The following ZNF441 variants were observed in gnomAD, a reference collection of about 807,000 sequenced individuals.
ZNF441 encodes the protein zinc finger protein 441.
A neutral mutation model predicts 64.5 loss-of-function variants in ZNF441; 25 were observed. That is an observed-to-expected ratio of 0.39 (90% CI 0.28 to 0.54). ZNF441 has a LOEUF of 0.54. Ranked by LOEUF, ZNF441 falls within the 20% of genes least tolerant of loss-of-function variation. The pLI is 0.70. For missense variants in ZNF441, 715 were observed against 843.3 expected (o/e 0.85, Z 1.88); for synonymous variants, 262 against 268.0 (o/e 0.98, Z 0.22).
At chr19:11,770,552 G>C (rs1483945407) in intron 1 of ZNF441, among the ~76,000 whole-genome samples, 1 of 152,138 alleles carries the variant, frequency 6.6e-6, no homozygotes, top group East Asian at 1.9e-4. Context: ...ATGCTGGCCT[G>C]TTCCTTTTTC....
Position 11,781,312 on chromosome 19 carries a change from G to A in ZNF441, c.1488G>A (p.Met496Ile). 1 of 1,613,118 alleles carries A rather than the reference G, an allele frequency of 6.2e-7. No individual in the cohort carries two copies. ...HLKSFQRHMI[M>I]HTGDGPHKCK... is the part of the protein sequence containing the mutation. ...AAAGCTTTCAGAGACACATGATAATGCACACTGGAGATGGACCTCATAAAT... is the reference window on the plus strand; with the variant it reads ...AAAGCTTTCAGAGACACATGATAATACACACTGGAGATGGACCTCATAAAT... Residue 496 changes from methionine to isoleucine, a missense_variant, in exon 4 of 4, where the codon ATG becomes ATA. By Grantham distance (10) the Met-to-Ile change is conservative (BLOSUM62 1). Coordinates refer to ENST00000357901, the MANE Select transcript of ZNF441 (RefSeq NM_152355.3).
chr19:11,780,576 C>A lies in ZNF441; in HGVS notation c.752C>A (p.Pro251His). 1 of 1,614,136 alleles carries A rather than the reference C, an allele frequency of 6.2e-7. No individual in the cohort carries two copies. The highest frequency in any genetic ancestry group is 8.5e-7 in the Non-Finnish European group (1 of 1,180,030). ...RHERTHSGEK[P>H]YQCKQCGKAF... ...GAAAGAACACACAGTGGAGAGAAAC[C>A]CTATCAATGTAAACAATGTGGGAAA... Residue 251 changes from proline to histidine, a missense_variant, in exon 4 of 4, where the codon CCC (proline) becomes CAC (histidine). Pro to His is a moderately conservative substitution (Grantham distance 77). Around this residue, in one of 2 missense-constraint regions of ZNF441, gnomAD observed 399 missense variants for 413.9 expected, o/e 0.96. Coordinates refer to ENST00000357901, the MANE Select transcript of ZNF441 (RefSeq NM_152355.3).
Position 11,780,939 on chromosome 19 carries a change from C to A in ZNF441, c.1115C>A (p.Ala372Asp), listed in dbSNP as rs558868530. ...GPHKCKVCGKAFDSPSLCRRH... is the reference protein window; with the variant it reads ...GPHKCKVCGKDFDSPSLCRRH... ...CATAAATGCAAGGTATGTGGGAAAGCCTTTGATTCTCCCAGTTTATGTCGA... is the reference window on the plus strand; with the variant it reads ...CATAAATGCAAGGTATGTGGGAAAGACTTTGATTCTCCCAGTTTATGTCGA... Residue 372 changes from alanine to aspartate, a missense_variant, in exon 4 of 4, where the codon GCC (alanine) becomes GAC (aspartate). Physicochemically the swap from Ala to Asp is moderately radical, Grantham distance 126. This residue lies in a region of ZNF441 where 316 missense variants were observed against 429.3 expected (regional missense o/e 0.74). Coordinates refer to ENST00000357901, the MANE Select transcript of ZNF441 (RefSeq NM_152355.3). 6.2e-7 allele frequency: 1 copy of A among 1,612,320 alleles called. No homozygotes were observed. The highest frequency in any genetic ancestry group is 2.2e-5 in the East Asian group (1 of 44,646).
Position 11,778,361 on chromosome 19 carries a change from A to T in ZNF441, c.162A>T (p.Glu54Asp). 2 of 1,547,830 alleles carry T rather than the reference A, an allele frequency of 1.3e-6. No homozygotes were observed. The highest frequency in any genetic ancestry group is 1.7e-6 in the Non-Finnish European group (2 of 1,145,502). The stretch of plus-strand genomic sequence containing the variant: ...TATGGCAAAATCATGATATAGAAGA[A>T]GATCAGTACAAAGATCTCAGAAGAA... Reference protein sequence around the residue: ...GMIWQNHDIEEDQYKDLRRNL... With the variant: ...GMIWQNHDIEDDQYKDLRRNL... The change falls in exon 3 of 4, where the codon GAA becomes GAT. Residue 54 changes from glutamate (E) to aspartate (D), a missense_variant. Transcript: ENST00000357901.
At chr19:11,779,663 T>A (rs1352093678) in intron 3 of ZNF441, among the ~76,000 whole-genome samples, 1 of 151,174 alleles carries the variant, frequency 6.6e-6, no homozygotes, top group Non-Finnish European at 1.5e-5. Context: ...GAGAATGGTG[T>A]GAACCCGGGG....
At chr19:11,768,326 G>A (rs73922690) in intron 1 of ZNF441, among the ~76,000 whole-genome samples, 3,255 of 152,214 alleles carry the variant, frequency 0.021, 121 homozygotes, top group African/African-American at 0.075. Flanking sequence ...TTTGTAAAAG[G>A]TTTTGTGTTT....
At position 11,780,234 on chromosome 19, in the gene ZNF441, G is replaced by C. The variant is rs761419931; in HGVS notation, c.410G>C (p.Gly137Ala). The stretch of plus-strand genomic sequence containing the variant: ...AAACCATGTGAGTATCAAGAATATG[G>C]AGAGAAGCCATATACACATACACAA... ...EHKPCEYQEY[G>A]EKPYTHTQCG... is the part of the protein sequence containing the mutation. Residue 137 changes from glycine (G) to alanine (A), a missense_variant, in exon 4 of 4, where the codon GGA becomes GCA. Physicochemically the swap from Gly to Ala is moderately conservative, Grantham distance 60. Transcript: ENST00000357901. 1 of 1,614,174 alleles carries C rather than the reference G, an allele frequency of 6.2e-7. No homozygotes were observed. Among genetic ancestry groups the C allele is most frequent in the Non-Finnish European group, 8.5e-7 (1 of 1,180,032 alleles).
Position 11,777,599 on chromosome 19 carries a change from G to A in ZNF441, c.4-12G>A, listed in dbSNP as rs372852434. ...TTTAATATTCCTCCTCTGCACATGT[G>A]AAATATTTCAGGACTCAGTGGCATT... On this transcript the variant is annotated splice_polypyrimidine_tract_variant and intron_variant, in intron 1 of 3. Transcript: ENST00000357901. 12 of 1,608,810 alleles carry A rather than the reference G, an allele frequency of 7.5e-6. No individual in the cohort carries two copies. The highest frequency in any genetic ancestry group is 1.0e-5 in the Non-Finnish European group (12 of 1,177,734).
chr19:11,778,170 A>C, intron 2 of ZNF441, 160 bp from the exon 3 acceptor site: 1 of 581,304 alleles, frequency 1.7e-6, no homozygotes, highest in South Asian at 2.5e-5. Flanking sequence ...GAGACTGAAG[A>C]AATTCATATG....
rs1975412703 is a variant in ZNF441, at chr19:11,782,555, A to T, written c.*649A>T. ...AAGTCTACATGTTCAGTACAAATAC[A>T]ACTGTCATTCATTGTCCTAAGTACG... On this transcript the variant is annotated 3_prime_UTR_variant, in exon 4 of 4. Transcript: ENST00000357901. 1 of 152,226 alleles carries T rather than the reference A, an allele frequency of 6.6e-6. No homozygotes were observed. The highest frequency in any genetic ancestry group is 2.4e-5 in the African/African-American group (1 of 41,470). 9.4% of individuals were successfully genotyped at this position (152,226 alleles called of 1,614,324 possible). A position where few individuals can be genotyped will look rare whatever the true frequency, so the allele number is the denominator to read the frequency against.
At chr19:11,771,385 T>C (rs1002888372) in intron 1 of ZNF441, among the ~76,000 whole-genome samples, 10 of 152,074 alleles carry the variant, frequency 6.6e-5, no homozygotes, top group Non-Finnish European at 1.3e-4. Context: ...AATCAATAAA[T>C]AATAAAAGTC....
rs1046785041 is a variant in ZNF441, at chr19:11,767,835, G to A, written c.3+639G>A. ...CATCCCCAAGCACAATGGCGAAGCC[G>A]GCGGTCAGCATCTGCTGTGGCCTGA... On this transcript the variant is annotated intron_variant, in intron 1 of 3. Coordinates refer to ENST00000357901, the MANE Select transcript of ZNF441 (RefSeq NM_152355.3). This position sits in a 1 kb window ranked among gnomAD's most constrained non-coding sequence, Gnocchi z 5.1. 2.0e-5 allele frequency among the ~76,000 whole-genome samples: 3 copies of A among 152,206 alleles called. No homozygotes were observed. Among genetic ancestry groups the A allele is most frequent in the Non-Finnish European group, 4.4e-5 (3 of 68,038 alleles).
intron 3 of ZNF441, 29 bp from the exon 4 acceptor site, chr19:11,779,990 T>G: frequency 2.0e-6 from 3 of 1,503,192 alleles, no homozygotes; most frequent in Non-Finnish European, 2.7e-6. Flanking sequence ...TAAACAAACC[T>G]TTACTAATGT....
At chr19:11,778,171 A>C in intron 2 of ZNF441, 159 bp from the exon 3 acceptor site, 1 of 582,042 alleles carries the variant, frequency 1.7e-6, no homozygotes, top group Non-Finnish European at 3.0e-6. Flanking sequence ...AGACTGAAGA[A>C]ATTCATATGT....
Position 11,781,225 on chromosome 19 carries a change from G to T in ZNF441, c.1401G>T (p.Lys467Asn). Reference sequence around the variant, plus strand: ...CCAATTACATTCGAGTACATGAAAAGACTCACACTGGAGAAAAGCCCTATG... The same window carrying T: ...CCAATTACATTCGAGTACATGAAAATACTCACACTGGAGAAAAGCCCTATG... ...RSSNYIRVHE[K>N]THTGEKPYEC... Residue 467 changes from lysine (K) to asparagine (N), a missense_variant, in exon 4 of 4, where the codon AAG becomes AAT. Lys to Asn is a moderately conservative substitution (Grantham distance 94). Coordinates refer to ENST00000357901, the MANE Select transcript of ZNF441 (RefSeq NM_152355.3). The T allele has an allele frequency of 6.2e-7, 1 of 1,612,982 alleles. No homozygotes were observed. The highest frequency in any genetic ancestry group is 8.5e-7 in the Non-Finnish European group (1 of 1,179,718).
Position 11,780,199 on chromosome 19 carries a change from C to T in ZNF441, c.375C>T (p.Asp125=), listed in dbSNP as rs554511380. 6.2e-7 allele frequency: 1 copy of T among 1,614,138 alleles called. No individual in the cohort carries two copies. Among genetic ancestry groups the T allele is most frequent in the African/African-American group, 1.3e-5 (1 of 75,042 alleles). ...CTCTTAATTGCTACGTTAGAGTTGA[C>T]AGTGAACACAAACCATGTGAGTATC... ...RSSLNCYVRV[D]SEHKPCEYQE... Residue 125 remains aspartate, a synonymous_variant, in exon 4 of 4, where the codon GAC becomes GAT. Coordinates refer to ENST00000357901, the MANE Select transcript of ZNF441 (RefSeq NM_152355.3).
intron 1 of ZNF441, among the ~76,000 whole-genome samples, chr19:11,777,230 C>T (rs995114387): frequency 2.6e-5 from 4 of 151,882 alleles, no homozygotes; most frequent in Admixed American, 2.0e-4. Context: ...GGAAGCCCAG[C>T]ATCAAGGCTG....
intron 1 of ZNF441, among the ~76,000 whole-genome samples, chr19:11,770,195 G>A (rs567688762): frequency 6.6e-6 from 1 of 152,232 alleles, no homozygotes; most frequent in Admixed American, 6.5e-5. Flanking sequence ...GGGGAAGCAG[G>A]CACTTCTTAC....
Position 11,767,276 on chromosome 19 carries a change from C to T in ZNF441, c.3+80C>T. 1 of 1,544,748 alleles carries T rather than the reference C, an allele frequency of 6.5e-7. No individual in the cohort carries two copies. On this transcript the variant is annotated intron_variant, in intron 1 of 3. Transcript: ENST00000357901. The surrounding 1 kb of genome is among the most constrained non-coding windows in gnomAD (Gnocchi z 5.1). ...CGGCCGGAACCGGCTGTGGTGGCAC[C>T]AGGTCTTCCCCGCCGGCGACACCCT... is the stretch of plus-strand genomic sequence containing the variant.
Sources: allele counts gnomAD v4.1 joint callset (sites outside exome capture counted in the v4.1 genomes callset), GRCh38; gene constraint gnomAD v4.1.1; regional missense constraint gnomAD v4.1.1; non-coding constraint Gnocchi (gnomAD v3.1); transcripts MANE v1.5; gene names NCBI Gene and HGNC (gene_info 2026-07-23, HGNC 2026-07-21).